The following CEP120 variants were observed in gnomAD, a reference collection of about 807,000 sequenced individuals.
CEP120 encodes the protein centrosomal protein 120, also known as centrosomal protein of 120 kDa.
Under a neutral mutation model 126.5 loss-of-function variants are expected in CEP120, and 113 were observed. That is an observed-to-expected ratio of 0.89 (90% CI 0.77 to 1.04). The LOEUF (loss-of-function observed/expected upper bound fraction) is 1.04. Among genes scored for constraint, CEP120 ranks in the 50% least tolerant of loss-of-function variants. The pLI is 0.00. For missense variants in CEP120, 1,230 were observed against 1,155.7 expected, an observed-to-expected ratio of 1.06 and a Z score of -0.93; for synonymous variants, 400 against 394.3, an observed-to-expected ratio of 1.01 and a Z score of -0.17.
At chr5:123,386,945 T>A (rs1183362111) in intron 9 of CEP120, among the ~76,000 whole-genome samples, 1 of 152,102 alleles carries the variant, frequency 6.6e-6, no homozygotes, top group African/African-American at 2.4e-5. Flanking sequence ...GTAAACCTGG[T>A]TTATTTTATA....
intron 5 of CEP120, among the ~76,000 whole-genome samples, chr5:123,397,217 G>A (rs1273750587): frequency 2.6e-5 from 4 of 152,144 alleles, no homozygotes; most frequent in Non-Finnish European, 4.4e-5. Flanking sequence ...CCAGCTACTT[G>A]GGAGGGTGAG....
Position 123,377,372 on chromosome 5 carries a change from A to G in CEP120, c.2358+2T>C. 1 of 1,606,418 alleles carries G rather than the reference A, an allele frequency of 6.2e-7. No individual in the cohort carries two copies. On this transcript the variant is annotated splice_donor_variant, in intron 16 of 19. Transcript: ENST00000306467. LOFTEE classifies it high-confidence loss of function. ...AAAAAGATGACAAGTACGTTATCCA[A>G]CCTGTTGCTGAAGGCGGTGTTTATC...
At chr5:123,388,368 C>T (rs1299435841) in intron 9 of CEP120, 64 bp downstream of exon 9, 30 of 1,158,214 alleles carry the variant, frequency 2.6e-5, no homozygotes, top group Non-Finnish European at 3.4e-5. Context: ...CTCTGCAATT[C>T]CCCAAACACA....
chr5:123,352,368 C>G (rs948067291), intron 18 of CEP120, among the ~76,000 whole-genome samples: 1 of 151,944 alleles, frequency 6.6e-6, no homozygotes, highest in African/African-American at 2.4e-5. Flanking sequence ...CTGTCTCAAT[C>G]TTGAAGATAT....
At chr5:123,376,157 T>G (rs1203862981) in intron 16 of CEP120, among the ~76,000 whole-genome samples, 1 of 152,006 alleles carries the variant, frequency 6.6e-6, no homozygotes, top group East Asian at 1.9e-4. Flanking sequence ...CGATATGACA[T>G]ATCATAAAGA....
Position 123,393,336 on chromosome 5 carries a change from A to G in CEP120, c.774T>C (p.Ile258=). ...ACTGAAGAGCCAGGTAAACACGAAG[A>G]ATTTCTACACTGCTACGGATGCGAA... ...ASVRIRSSVE[I]LRVYLALQSK... is the part of the protein sequence containing the mutation. Residue 258 remains isoleucine (I), a synonymous_variant, in exon 6 of 20, where the codon ATT becomes ATC. Coordinates refer to ENST00000306467, the MANE Select transcript of CEP120 (RefSeq NM_001375405.1). The G allele has an allele frequency of 1.2e-6, 2 of 1,614,166 alleles. No homozygotes were observed. The highest frequency in any genetic ancestry group is 1.7e-6 in the Non-Finnish European group (2 of 1,180,000).
Position 123,393,372 on chromosome 5 carries a change from C to T in CEP120, c.738G>A (p.Glu246=), listed in dbSNP as rs771552683. ...NDLINPNFEP[E]RASVRIRSSV... ...TGCTACGGATGCGAACTGATGCTCT[C>T]TCTGGCTCAAAGTTTGGGTTGATTA... is the stretch of plus-strand genomic sequence containing the variant. The change falls in exon 6 of 20, where the codon GAG becomes GAA. Residue 246 remains glutamate (E), a synonymous_variant. Coordinates refer to ENST00000306467, the MANE Select transcript of CEP120 (RefSeq NM_001375405.1). 4.3e-6 allele frequency: 7 copies of T among 1,614,030 alleles called. No individual in the cohort carries two copies. In the African/African-American group the frequency reaches 9.3e-5, roughly 22 times the overall value.
chr5:123,361,869 C>G lies in CEP120; in HGVS notation c.2580+2627G>C, dbSNP rs557244537. 2.0e-5 allele frequency among the ~76,000 whole-genome samples: 3 copies of G among 151,888 alleles called. No individual in the cohort carries two copies. The South Asian group carries it at 6.2e-4, about 31-fold the overall frequency. On this transcript the variant is annotated intron_variant, in intron 18 of 19. Transcript: ENST00000306467. ...CCACTCATTTAATTCTCAGAATAACCTGTGGAAGAAAATTTCTCATTGTTC... is the reference window on the plus strand; with the variant it reads ...CCACTCATTTAATTCTCAGAATAACGTGTGGAAGAAAATTTCTCATTGTTC...
At chr5:123,375,166 G>T (rs996315969) in intron 16 of CEP120, among the ~76,000 whole-genome samples, 2 of 152,060 alleles carry the variant, frequency 1.3e-5, no homozygotes, top group East Asian at 3.9e-4. Flanking sequence ...AACTTCTCCT[G>T]TCCTTCCTAC....
At chr5:123,420,888 G>C (rs910112423) in intron 1 of CEP120, among the ~76,000 whole-genome samples, 3 of 152,220 alleles carry the variant, frequency 2.0e-5, no homozygotes, top group Non-Finnish European at 2.9e-5. Flanking sequence ...GAAATGGAGA[G>C]TGAATCCAGG....
chr5:123,401,013 A>C, intron 4 of CEP120: 6 of 1,561,312 alleles, frequency 3.8e-6, no homozygotes, highest in Non-Finnish European at 5.2e-6. Flanking sequence ...GGTGCGGCTG[A>C]AGGAGCTGGC....
At chr5:123,403,937 G>A (rs1298627171) in intron 4 of CEP120, among the ~76,000 whole-genome samples, 5 of 152,154 alleles carry the variant, frequency 3.3e-5, no homozygotes, top group Non-Finnish European at 5.9e-5. Flanking sequence ...GGAAATTATT[G>A]GGAAAAGACA....
chr5:123,423,158 A>G lies in CEP120; in HGVS notation c.-160T>C, dbSNP rs1774834948. The G allele has an allele frequency of 1.6e-6, 1 of 635,746 alleles. No homozygotes were observed. Among genetic ancestry groups the G allele is most frequent in the Non-Finnish European group, 2.8e-6 (1 of 358,710 alleles). The allele number at this position is 635,746 out of a possible 1,614,324, so 39.4% of individuals were successfully genotyped here. ...GCCAGGTCCCACCGCCGTCTGCTGC[A>G]GCGCGCCCGGCTCCTCTGCCTCGGG... On this transcript the variant is annotated 5_prime_UTR_variant, in exon 1 of 20. Coordinates refer to ENST00000306467, the MANE Select transcript of CEP120 (RefSeq NM_001375405.1).
At chr5:123,357,778 A>T (rs370190813) in intron 18 of CEP120, among the ~76,000 whole-genome samples, 1 of 152,154 alleles carries the variant, frequency 6.6e-6, no homozygotes, top group Non-Finnish European at 1.5e-5. Context: ...AAAGATGCTC[A>T]AAGTTATTAG....
chr5:123,405,476 G>A (rs920976513), intron 4 of CEP120, among the ~76,000 whole-genome samples: 5 of 152,202 alleles, frequency 3.3e-5, no homozygotes, highest in African/African-American at 7.2e-5. Context: ...ATTTGCCAGA[G>A]CCTAACCTGT....
At chr5:123,388,334 T>TA in intron 9 of CEP120, 98 bp downstream of exon 9, 1 of 797,582 alleles carries the variant, frequency 1.3e-6, no homozygotes, top group Non-Finnish European at 1.8e-6. Context: ...TAACAAATGT[T>TA]ATAACTTCTT....
rs1445101472 is a variant in CEP120, at chr5:123,422,999, G to A, written c.-1C>T. ...GCAATTGGTCGGATTTGGAGACCAT[G>A]GTTGCGGTGAGCGGTCCGGGGGCGA... On this transcript the variant is annotated 5_prime_UTR_variant, in exon 1 of 20. Transcript: ENST00000306467. 1.2e-6 allele frequency: 2 copies of A among 1,613,916 alleles called. No individual in the cohort carries two copies. The highest frequency in any genetic ancestry group is 1.7e-6 in the Non-Finnish European group (2 of 1,179,936).
chr5:123,418,479 A>G lies in CEP120; in HGVS notation c.86T>C (p.Val29Ala). 6.2e-7 allele frequency: 1 copy of G among 1,611,730 alleles called. No homozygotes were observed. Among genetic ancestry groups the G allele is most frequent in the Non-Finnish European group, 8.5e-7 (1 of 1,178,224 alleles). The part of the protein sequence containing the change: ...HFPKRPKHML[V>A]VEAKFDGEQL... Reference sequence around the variant, plus strand: ...TTCTCCATCAAACTTTGCTTCCACTACAAGCATATGCTTTGGACGTTTGGG... The same window carrying G: ...TTCTCCATCAAACTTTGCTTCCACTGCAAGCATATGCTTTGGACGTTTGGG... The change falls in exon 2 of 20, where the codon GTA becomes GCA. Residue 29 changes from valine to alanine, a missense_variant. Val to Ala is a moderately conservative substitution (Grantham distance 64). Coordinates refer to ENST00000306467, the MANE Select transcript of CEP120 (RefSeq NM_001375405.1).
chr5:123,407,940 C>T (rs1773803235), intron 4 of CEP120, among the ~76,000 whole-genome samples: 3 of 152,034 alleles, frequency 2.0e-5, no homozygotes. Context: ...AAACAATATA[C>T]TTCTAAATAA....
Sources: gnomAD v4.1 joint callset for allele counts (sites outside exome capture counted in the v4.1 genomes callset) on GRCh38, gnomAD v4.1.1 for gene constraint, MANE v1.5 for transcripts, NCBI Gene and HGNC (gene_info 2026-07-23, HGNC 2026-07-21) for gene names.